COL22A1: variants seen among roughly 807,000 people sequenced by gnomAD.
COL22A1 encodes the protein collagen alpha-1(XXII) chain.
COL22A1 carries 221 observed loss-of-function variants against 248.9 expected under a neutral mutation model. That is an observed-to-expected ratio of 0.89 (90% CI 0.80 to 0.99). COL22A1 has a LOEUF of 0.99. Ranked by LOEUF, COL22A1 falls within the 50% of genes least tolerant of loss-of-function variation. The probability of loss-of-function intolerance (pLI) is 0.00; values close to 1 mark genes in which losing one functional copy is unlikely to be tolerated. For missense variants in COL22A1, 2,240 were observed against 2,179.0 expected (o/e 1.03, Z -0.56); for synonymous variants, 891 against 793.4 (o/e 1.12, Z -2.07).
chr8:138,601,246 A>G (rs1271857706), intron 60 of COL22A1, among the ~76,000 whole-genome samples: 1 of 152,050 alleles, frequency 6.6e-6, no homozygotes, highest in Non-Finnish European at 1.5e-5. Context: ...ACCAACAGCC[A>G]CGGGATAGAG....
intron 16 of COL22A1, among the ~76,000 whole-genome samples, chr8:138,774,370 T>G (rs536917473): frequency 1.7e-4 from 25 of 149,842 alleles, no homozygotes; most frequent in Non-Finnish European, 3.3e-4. Flanking sequence ...AATTTGAAAA[T>G]AAATAAATAA....
At chr8:138,701,921 C>T (rs11780480) in intron 31 of COL22A1, among the ~76,000 whole-genome samples, 73,552 of 152,072 alleles carry the variant, frequency 0.48, 18,107 homozygotes, top group East Asian at 0.73. Flanking sequence ...ACATATTGTA[C>T]GCATATTAAT....
chr8:138,811,314 T>TAC (rs1049909999), intron 9 of COL22A1, among the ~76,000 whole-genome samples: 1 of 149,868 alleles, frequency 6.7e-6, no homozygotes, highest in Non-Finnish European at 1.5e-5. Flanking sequence ...TACACATACA[T>TAC]ACACACACAT....
At position 138,594,070 on chromosome 8, in the gene COL22A1, C is replaced by T; in HGVS notation, c.4562G>A (p.Gly1521Asp). 1.3e-6 allele frequency: 2 copies of T among 1,590,334 alleles called. No individual in the cohort carries two copies. Among genetic ancestry groups the T allele is most frequent in the Non-Finnish European group, 1.7e-6 (2 of 1,172,198 alleles). Residue 1521 changes from glycine (G) to aspartate (D), a missense_variant, in exon 63 of 65, where the codon GGT becomes GAT. Physicochemically the swap from Gly to Asp is moderately conservative, Grantham distance 94. Transcript: ENST00000303045. ...PGRAGPMGEP[G>D]RPGQGGLEGP... Reference sequence around the variant, plus strand: ...TTCCAGACCCCCCTGCCCAGGACGACCTGGCTCCCCCATGGGGCCGGCCCG... The same window carrying T: ...TTCCAGACCCCCCTGCCCAGGACGATCTGGCTCCCCCATGGGGCCGGCCCG...
At chr8:138,691,832 GTGTA>G (rs1826965126) in intron 35 of COL22A1, among the ~76,000 whole-genome samples, 1 of 105,640 alleles carries the variant, frequency 9.5e-6, no homozygotes, top group African/African-American at 3.8e-5. Flanking sequence ...GTGGAGGTGT[GTGTA>G]TGTGGAGGTG....
rs770271553 is a variant in COL22A1, at chr8:138,720,803, T to C, written c.2302-11A>G. ...TTCTCCTGGTTCTCCCTGGAAGGAA[T>C]ACAGAGCAAAGTTAACAGGAGACGG... On this transcript the variant is annotated splice_polypyrimidine_tract_variant and intron_variant, in intron 26 of 64. Transcript: ENST00000303045. 1 of 1,610,836 alleles carries C rather than the reference T, an allele frequency of 6.2e-7. No homozygotes were observed. Among genetic ancestry groups the C allele is most frequent in the Non-Finnish European group, 8.5e-7 (1 of 1,177,238 alleles).
In COL22A1 at chr8:138,821,326, CG is replaced by C. The variant is rs779398129; in HGVS notation, c.1054del (p.Arg352GlufsTer18). ...AAAGAGGTCATTGACCCGAGAACCT[CG>C]GAAGACCACCCTGACAGCATCTTTC... ...AMKDAVRVVFRGSRVNDLFDR... is the reference protein window; with the variant it reads ...AMKDAVRVVFXGSRVNDLFDR... On this transcript the variant is annotated frameshift_variant, in exon 7 of 65. Transcript: ENST00000303045. LOFTEE classifies it high-confidence loss of function. The C allele has an allele frequency of 6.2e-7, 1 of 1,614,184 alleles. No homozygotes were observed. The highest frequency in any genetic ancestry group is 8.5e-7 in the Non-Finnish European group (1 of 1,180,032).
chr8:138,604,019 C>A (rs575624961), intron 59 of COL22A1, among the ~76,000 whole-genome samples: 137 of 152,272 alleles, frequency 9.0e-4, no homozygotes, highest in African/African-American at 3.0e-3. Context: ...TAAAACCAAG[C>A]ATTGTGGGGG....
In COL22A1 at chr8:138,716,702, A is replaced by G. The variant is rs542543614; in HGVS notation, c.2400+123T>C. 1.5e-5 allele frequency: 11 copies of G among 728,806 alleles called. No homozygotes were observed. In the African/African-American group the frequency reaches 1.7e-4, roughly 12 times the overall value. 45.1% of individuals were successfully genotyped at this position (728,806 alleles called of 1,614,324 possible). A position where few individuals can be genotyped will look rare whatever the true frequency, so the allele number is the denominator to read the frequency against. ...CTTCAATGTCCAGTTTATCCTGGAC[A>G]TATAGTGAGCTCCCAAAAACCAGGA... is the stretch of plus-strand genomic sequence containing the variant. On this transcript the variant is annotated intron_variant, in intron 28 of 64. Transcript: ENST00000303045.
chr8:138,782,052 A>C (rs147838025), intron 12 of COL22A1, among the ~76,000 whole-genome samples: 51 of 152,380 alleles, frequency 3.3e-4, no homozygotes, highest in African/African-American at 1.2e-3. Context: ...ATCTACAAAC[A>C]TGCAGGCATA....
At chr8:138,674,168 C>G (rs891412179) in intron 41 of COL22A1, among the ~76,000 whole-genome samples, 1 of 152,162 alleles carries the variant, frequency 6.6e-6, no homozygotes, top group Non-Finnish European at 1.5e-5. Context: ...CATGGGATCC[C>G]AGCCTTAACC....
At chr8:138,721,044 G>C (rs1829831492) in intron 26 of COL22A1, among the ~76,000 whole-genome samples, 1 of 152,150 alleles carries the variant, frequency 6.6e-6, no homozygotes, top group Non-Finnish European at 1.5e-5. Flanking sequence ...CTCTCTTATT[G>C]AGAGATTTAG....
chr8:138,822,671 A>G (rs6988322), intron 6 of COL22A1, among the ~76,000 whole-genome samples: 149,995 of 152,272 alleles, frequency 0.99, 73,884 homozygotes, highest in East Asian at 1. Flanking sequence ...CGGCTCCTGG[A>G]CCCTTTGGCT....
At chr8:138,866,016 ACT>A (rs1341938308) in intron 3 of COL22A1, among the ~76,000 whole-genome samples, 1 of 150,296 alleles carries the variant, frequency 6.7e-6, no homozygotes, top group Non-Finnish European at 1.5e-5. Flanking sequence ...TGTTTGTATG[ACT>A]CTGTGTGTGT....
chr8:138,603,515 A>G (rs1221073251), intron 59 of COL22A1, among the ~76,000 whole-genome samples: 2 of 152,196 alleles, frequency 1.3e-5, no homozygotes, highest in African/African-American at 4.8e-5. Context: ...GCTGGATCAT[A>G]TCTGGAAGAC....
chr8:138,853,781 C>T (rs1287351765), intron 3 of COL22A1, among the ~76,000 whole-genome samples: 2 of 152,196 alleles, frequency 1.3e-5, no homozygotes, highest in Non-Finnish European at 1.5e-5. Flanking sequence ...TGACCTCCAG[C>T]AGCCCTTCTG....
At chr8:138,815,755 C>T (rs1818630063) in intron 7 of COL22A1, among the ~76,000 whole-genome samples, 1 of 152,158 alleles carries the variant, frequency 6.6e-6, no homozygotes, top group Admixed American at 6.5e-5. Flanking sequence ...CAATCGATGG[C>T]TGGGTGGACG....
intron 46 of COL22A1, 27 bp from the exon 47 acceptor site, chr8:138,646,709 A>G (rs747187966): frequency 2.6e-6 from 4 of 1,523,868 alleles, no homozygotes; most frequent in Non-Finnish European, 3.5e-6. Flanking sequence ...AGAAAAAAAA[A>G]GAAAACAAGA....
chr8:138,906,303 GA>G (rs780112987), intron 1 of COL22A1, among the ~76,000 whole-genome samples: 6 of 151,440 alleles, frequency 4.0e-5, no homozygotes, highest in Non-Finnish European at 5.9e-5. Flanking sequence ...CCGGGAGGCG[GA>G]GCTTGCAGTG....
Sources: allele counts gnomAD v4.1 joint callset (sites outside exome capture counted in the v4.1 genomes callset), GRCh38; gene constraint gnomAD v4.1.1; transcripts MANE v1.5; gene names NCBI Gene and HGNC (gene_info 2026-07-23, HGNC 2026-07-21).